Variants in NEK1 observed in about 807,000 individuals in gnomAD.
NEK1 encodes the protein NIMA related kinase 1, also known as serine/threonine-protein kinase Nek1.
In NEK1, 137 loss-of-function variants were observed where a neutral mutation model predicts 182.1. The ratio of observed to expected loss-of-function variants is 0.75; its 90% CI spans 0.65 to 0.87. The LOEUF (loss-of-function observed/expected upper bound fraction) is 0.87, where lower values mean the gene tolerates loss of function less well. Ranked by LOEUF, NEK1 falls within the 40% of genes least tolerant of loss-of-function variation. The pLI is 0.00. For missense variants in NEK1, 1,391 were observed against 1,494.4 expected, an observed-to-expected ratio of 0.93 and a Z score of 1.14; for synonymous variants, 513 against 492.2, an observed-to-expected ratio of 1.04 and a Z score of -0.56.
intron 12 of NEK1, among the ~76,000 whole-genome samples, chr4:169,562,429 A>G (rs1287920039): frequency 6.6e-6 from 1 of 152,108 alleles, no homozygotes; most frequent in Non-Finnish European, 1.5e-5. Flanking sequence ...ATCATCAACT[A>G]AACAGTTTTG....
At chr4:169,571,127 A>G (rs955748692) in intron 12 of NEK1, among the ~76,000 whole-genome samples, 5 of 151,648 alleles carry the variant, frequency 3.3e-5, no homozygotes, top group African/African-American at 4.8e-5. Flanking sequence ...CTATTGTCCT[A>G]TGACCCTGCC....
At chr4:169,521,591 C>T (rs1756061518) in intron 19 of NEK1, among the ~76,000 whole-genome samples, 1 of 152,208 alleles carries the variant, frequency 6.6e-6, no homozygotes, top group African/African-American at 2.4e-5. Flanking sequence ...ATCTCTTTGT[C>T]CTTAGTAACT....
intron 19 of NEK1, among the ~76,000 whole-genome samples, chr4:169,534,661 G>A (rs1365094106): frequency 6.6e-6 from 1 of 152,186 alleles, no homozygotes; most frequent in Non-Finnish European, 1.5e-5. Flanking sequence ...CTATAGCAGT[G>A]AGGCCAAATT....
chr4:169,459,408 G>A (rs1743530831), intron 27 of NEK1, among the ~76,000 whole-genome samples: 1 of 152,160 alleles, frequency 6.6e-6, no homozygotes, highest in Non-Finnish European at 1.5e-5. Flanking sequence ...AGAGGACATG[G>A]AGTAAAAGGA....
chr4:169,407,386 C>T (rs931254091), intron 31 of NEK1, among the ~76,000 whole-genome samples: 2 of 152,160 alleles, frequency 1.3e-5, no homozygotes, highest in African/African-American at 2.4e-5. Flanking sequence ...CAAATCAGTG[C>T]AGAGAGAAGC....
Position 169,400,370 on chromosome 4 carries a change from C to T in NEK1, c.3715-13G>A. On this transcript the variant is annotated splice_polypyrimidine_tract_variant and intron_variant, in intron 34 of 35. Coordinates refer to ENST00000507142, the MANE Select transcript of NEK1 (RefSeq NM_001199397.3). Reference sequence around the variant, plus strand: ...CTTCATGAATAGCCTATACCAAATTCCCAAATATAAATTAATATTTGAATA... The same window carrying T: ...CTTCATGAATAGCCTATACCAAATTTCCAAATATAAATTAATATTTGAATA... The T allele has an allele frequency of 1.4e-6, 2 of 1,464,308 alleles. No individual in the cohort carries two copies. Among genetic ancestry groups the T allele is most frequent in the Non-Finnish European group, 1.8e-6 (2 of 1,095,862 alleles). 90.7% of individuals were successfully genotyped at this position (1,464,308 alleles called of 1,614,324 possible). A position where few individuals can be genotyped will look rare whatever the true frequency, so the allele number is the denominator to read the frequency against.
intron 19 of NEK1, 33 bp downstream of exon 19, chr4:169,537,776 A>C: frequency 6.6e-7 from 1 of 1,508,478 alleles, no homozygotes; most frequent in Non-Finnish European, 9.2e-7. Flanking sequence ...ATACTAATAC[A>C]TTCAAAATCT....
chr4:169,505,602 G>C (rs1017429339), intron 23 of NEK1, among the ~76,000 whole-genome samples: 2 of 152,182 alleles, frequency 1.3e-5, no homozygotes, highest in Admixed American at 6.5e-5. Flanking sequence ...TGTGCAAGGG[G>C]CCAATGCCCC....
intron 6 of NEK1, 89 bp from the exon 7 acceptor site, chr4:169,589,603 TA>T: frequency 5.7e-6 from 5 of 874,758 alleles, no homozygotes; most frequent in South Asian, 1.7e-5. Flanking sequence ...AAAATCCAGT[TA>T]AAAAAATTGT....
intron 19 of NEK1, among the ~76,000 whole-genome samples, chr4:169,530,888 G>A (rs934371647): frequency 6.0e-5 from 9 of 148,812 alleles, no homozygotes; most frequent in African/African-American, 2.2e-4. Context: ...AAAAAATGAG[G>A]TGCCAGTGCA....
intron 12 of NEK1, among the ~76,000 whole-genome samples, chr4:169,572,025 G>A (rs1764948926): frequency 1.3e-5 from 2 of 151,678 alleles, no homozygotes. Flanking sequence ...ATTACAGGCA[G>A]GAGCCACCGG....
intron 31 of NEK1, among the ~76,000 whole-genome samples, chr4:169,407,836 G>A (rs1250803022): frequency 6.6e-6 from 1 of 152,166 alleles, no homozygotes; most frequent in Non-Finnish European, 1.5e-5. Flanking sequence ...AATTTTATTG[G>A]TACAATCTGT....
chr4:169,600,957 C>T (rs1400817750), intron 4 of NEK1, among the ~76,000 whole-genome samples: 1 of 152,008 alleles, frequency 6.6e-6, no homozygotes, highest in Non-Finnish European at 1.5e-5. Context: ...AACCTTTTAA[C>T]TTGAAATATT....
intron 2 of NEK1, among the ~76,000 whole-genome samples, chr4:169,603,797 C>T (rs1256196587): frequency 6.6e-6 from 1 of 151,324 alleles, no homozygotes; most frequent in African/African-American, 2.4e-5. Flanking sequence ...TCTCCACCTT[C>T]CAGGTTCCAG....
Position 169,400,671 on chromosome 4 carries a change from T to G in NEK1, c.3584-20A>C, listed in dbSNP as rs750241266. The G allele has an allele frequency of 5.2e-6, 8 of 1,531,972 alleles. No individual in the cohort carries two copies. The highest frequency in any genetic ancestry group is 5.3e-6 in the Non-Finnish European group (6 of 1,134,040). 94.9% of individuals were successfully genotyped at this position (1,531,972 alleles called of 1,614,324 possible). On this transcript the variant is annotated intron_variant, in intron 33 of 35. Transcript: ENST00000507142. ...TGTTATCTAAAAAACAAAATTAAAA[T>G]AGAGATTTGATTTAAAAAGACTGAA...
At chr4:169,581,416 G>A (rs925391013) in intron 10 of NEK1, among the ~76,000 whole-genome samples, 1 of 151,924 alleles carries the variant, frequency 6.6e-6, no homozygotes, top group African/African-American at 2.4e-5. Context: ...ACAGGCGTGT[G>A]TCACCATGCC....
At chr4:169,465,086 G>A (rs571742535) in intron 26 of NEK1, among the ~76,000 whole-genome samples, 2 of 152,196 alleles carry the variant, frequency 1.3e-5, no homozygotes, top group East Asian at 3.9e-4. Flanking sequence ...TAATGTACCA[G>A]TTCCATGAAA....
intron 5 of NEK1, among the ~76,000 whole-genome samples, chr4:169,591,028 A>T (rs1410209409): frequency 6.6e-6 from 1 of 152,206 alleles, no homozygotes; most frequent in East Asian, 1.9e-4. Flanking sequence ...TCTCTTATAA[A>T]TCAAAACAAA....
chr4:169,504,174 G>C (rs1203618408), intron 23 of NEK1, among the ~76,000 whole-genome samples: 1 of 152,066 alleles, frequency 6.6e-6, no homozygotes, highest in East Asian at 1.9e-4. Context: ...ATGACAATGA[G>C]TTATCTCACC....
Sources: allele counts gnomAD v4.1 joint callset (sites outside exome capture counted in the v4.1 genomes callset), GRCh38; gene constraint gnomAD v4.1.1; transcripts MANE v1.5; gene names NCBI Gene and HGNC (gene_info 2026-07-23, HGNC 2026-07-21).